MTDH: variants seen among roughly 807,000 people sequenced by gnomAD.
MTDH encodes protein LYRIC.
Under a neutral mutation model 72.7 loss-of-function variants are expected in MTDH, and 34 were observed. The ratio of observed to expected loss-of-function variants is 0.47; its 90% CI spans 0.36 to 0.62. The LOEUF is 0.62. MTDH is among the 20% of genes least tolerant of loss of function. The pLI is 0.00. For missense variants in MTDH, 677 were observed against 699.4 expected (o/e 0.97, Z 0.36); for synonymous variants, 266 against 268.9 (o/e 0.99, Z 0.10).
intron 1 of MTDH, 128 bp downstream of exon 1, chr8:97,645,015 C>A: frequency 9.3e-7 from 1 of 1,075,272 alleles, no homozygotes; most frequent in Non-Finnish European, 1.3e-6. Context: ...AGGCAGCACT[C>A]CCAAGTGGAG....
chr8:97,664,639 G>A (rs1022935083), intron 2 of MTDH, among the ~76,000 whole-genome samples: 1 of 151,972 alleles, frequency 6.6e-6, no homozygotes, highest in African/African-American at 2.4e-5. Context: ...ATTTTTTGTG[G>A]TATTGCACTA....
At chr8:97,699,552 A>G (rs1438030216) in intron 6 of MTDH, among the ~76,000 whole-genome samples, 1 of 152,220 alleles carries the variant, frequency 6.6e-6, no homozygotes, top group Non-Finnish European at 1.5e-5. Context: ...ATTGAATTAG[A>G]TCAAGTGATT....
chr8:97,684,812 A>G (rs541669032), intron 2 of MTDH, among the ~76,000 whole-genome samples: 2 of 152,326 alleles, frequency 1.3e-5, no homozygotes, highest in East Asian at 3.9e-4. Context: ...GCTCACGCCT[A>G]TAATCCCAAC....
At chr8:97,664,570 C>T (rs1812302809) in intron 2 of MTDH, among the ~76,000 whole-genome samples, 1 of 152,026 alleles carries the variant, frequency 6.6e-6, no homozygotes, top group Non-Finnish European at 1.5e-5. Flanking sequence ...TTTTTGCCAT[C>T]CCGTTTTGCA....
chr8:97,669,699 T>A (rs1003941274), intron 2 of MTDH, among the ~76,000 whole-genome samples: 2 of 151,500 alleles, frequency 1.3e-5, no homozygotes, highest in Admixed American at 6.6e-5. Context: ...GGTGGACCAT[T>A]TGAGGTCAGG....
intron 3 of MTDH, among the ~76,000 whole-genome samples, chr8:97,687,050 C>G (rs1813393916): frequency 6.6e-6 from 1 of 151,972 alleles, no homozygotes; most frequent in East Asian, 1.9e-4. Context: ...TGTTTTTCCC[C>G]CGTGGTTCTT....
intron 6 of MTDH, among the ~76,000 whole-genome samples, chr8:97,698,799 G>A (rs939020676): frequency 6.6e-6 from 1 of 152,104 alleles, no homozygotes; most frequent in African/African-American, 2.4e-5. Context: ...GATTTCTATT[G>A]TGTTTTATTT....
chr8:97,668,936 T>A (rs1329161239), intron 2 of MTDH, among the ~76,000 whole-genome samples: 1 of 152,142 alleles, frequency 6.6e-6, no homozygotes, highest in Non-Finnish European at 1.5e-5. Flanking sequence ...CCTTCATGCC[T>A]TCCCATTGCT....
intron 4 of MTDH, among the ~76,000 whole-genome samples, chr8:97,688,320 A>G (rs1813447970): frequency 1.3e-5 from 2 of 152,140 alleles, no homozygotes; most frequent in Admixed American, 1.3e-4. Context: ...GTTGTTTCCA[A>G]ACCATTTTCT....
chr8:97,644,952 G>A, intron 1 of MTDH, 65 bp downstream of exon 1: 1 of 1,460,826 alleles, frequency 6.8e-7, no homozygotes, highest in South Asian at 1.5e-5. Context: ...CTCGAGCTTG[G>A]GGGAGGCCGC....
intron 9 of MTDH, among the ~76,000 whole-genome samples, chr8:97,716,310 C>T (rs1228739644): frequency 1.3e-5 from 2 of 152,096 alleles, no homozygotes; most frequent in South Asian, 2.1e-4. Context: ...CACTTGAACC[C>T]GGGAGGCGGA....
At chr8:97,698,099 A>G (rs1414676551) in intron 6 of MTDH, among the ~76,000 whole-genome samples, 1 of 152,246 alleles carries the variant, frequency 6.6e-6, no homozygotes, top group Non-Finnish European at 1.5e-5. Flanking sequence ...TGCTGGTAAG[A>G]TCATCTGTAA....
intron 1 of MTDH, among the ~76,000 whole-genome samples, chr8:97,655,415 A>C (rs1405175715): frequency 2.0e-5 from 3 of 152,240 alleles, no homozygotes; most frequent in African/African-American, 7.2e-5. Context: ...ATAACATTAC[A>C]ATGCTGCCTC....
chr8:97,654,857 T>C (rs1469241997), intron 1 of MTDH, among the ~76,000 whole-genome samples: 1 of 152,180 alleles, frequency 6.6e-6, no homozygotes, highest in African/African-American at 2.4e-5. Flanking sequence ...CTCAGCATTT[T>C]AGGAGGCCAA....
chr8:97,648,104 C>G (rs1311300371), intron 1 of MTDH, among the ~76,000 whole-genome samples: 1 of 152,046 alleles, frequency 6.6e-6, no homozygotes, highest in Non-Finnish European at 1.5e-5. Context: ...TTACCTCAAC[C>G]TGTTTATAAG....
intron 8 of MTDH, among the ~76,000 whole-genome samples, chr8:97,707,449 C>CTTTT (rs35528230): frequency 7.0e-4 from 56 of 80,214 alleles, no homozygotes; most frequent in East Asian, 1.7e-3. Flanking sequence ...CATGCCTGGC[C>CTTTT]TTTTTTTTTT....
At chr8:97,689,129 A>AT in intron 5 of MTDH, 26 bp downstream of exon 5, 1 of 1,371,222 alleles carries the variant, frequency 7.3e-7, no homozygotes, top group Non-Finnish European at 1.0e-6. Flanking sequence ...TGTAACTTAA[A>AT]TTGAAGGCCC....
chr8:97,678,188 C>T (rs1812931355), intron 2 of MTDH, among the ~76,000 whole-genome samples: 1 of 152,046 alleles, frequency 6.6e-6, no homozygotes, highest in African/African-American at 2.4e-5. Flanking sequence ...AAGAGATATC[C>T]ACAAAGATAT....
chr8:97,707,287 G>A (rs576987689), intron 8 of MTDH, among the ~76,000 whole-genome samples: 1 of 151,562 alleles, frequency 6.6e-6, no homozygotes, highest in East Asian at 1.9e-4. Context: ...GAGTAGCTGG[G>A]ATTACTAGCC....
Sources: allele counts gnomAD v4.1 joint callset (sites outside exome capture counted in the v4.1 genomes callset), GRCh38; gene constraint gnomAD v4.1.1; transcripts MANE v1.5; gene names NCBI Gene and HGNC (gene_info 2026-07-23, HGNC 2026-07-21).